Variants in CNTNAP2 observed in about 807,000 individuals in gnomAD.
CNTNAP2 encodes contactin associated protein 2.
In CNTNAP2, 98 loss-of-function variants were observed where a neutral mutation model predicts 155.2. That is an observed-to-expected ratio of 0.63 (90% CI 0.54 to 0.75). The LOEUF (loss-of-function observed/expected upper bound fraction) is 0.75, where lower values mean the gene tolerates loss of function less well. Among genes scored for constraint, CNTNAP2 ranks in the 30% least tolerant of loss-of-function variants. The pLI, the probability that CNTNAP2 is intolerant of heterozygous loss-of-function variation, is 0.00. For missense variants in CNTNAP2, 1,727 were observed against 1,688.1 expected (o/e 1.02, Z -0.40); for synonymous variants, 651 against 631.2 (o/e 1.03, Z -0.47).
intron 3 of CNTNAP2, among the ~76,000 whole-genome samples, chr7:146,881,204 C>A (rs1478379404): frequency 6.6e-6 from 1 of 152,042 alleles, no homozygotes; most frequent in African/African-American, 2.4e-5. Flanking sequence ...GGTATTTTAA[C>A]CTACAGGAAA....
At chr7:147,982,232 C>T (rs1438250773) in intron 15 of CNTNAP2, among the ~76,000 whole-genome samples, 1 of 152,158 alleles carries the variant, frequency 6.6e-6, no homozygotes, top group East Asian at 1.9e-4. Context: ...TAAAACTTTA[C>T]TGTACTCCTC....
intron 1 of CNTNAP2, among the ~76,000 whole-genome samples, chr7:146,232,332 T>A (rs2116915443): frequency 6.6e-6 from 1 of 151,368 alleles, no homozygotes; most frequent in East Asian, 1.9e-4. Context: ...AAATTGCATG[T>A]ATTTATCAGC....
chr7:146,833,723 T>C (rs1348199618), intron 2 of CNTNAP2, among the ~76,000 whole-genome samples: 2 of 152,220 alleles, frequency 1.3e-5, no homozygotes, highest in Non-Finnish European at 2.9e-5. Flanking sequence ...TTTCTGTAGC[T>C]GATACACACA....
intron 5 of CNTNAP2, among the ~76,000 whole-genome samples, chr7:147,109,922 T>C (rs578014571): frequency 6.6e-6 from 1 of 151,160 alleles, no homozygotes; most frequent in East Asian, 1.9e-4. Flanking sequence ...TATTTATTTA[T>C]TTATTTATTT....
chr7:146,397,658 A>C (rs1170773291), intron 1 of CNTNAP2, among the ~76,000 whole-genome samples: 1 of 152,114 alleles, frequency 6.6e-6, no homozygotes, highest in Non-Finnish European at 1.5e-5. Flanking sequence ...TTTGAAATGA[A>C]GTTTTTCATA....
chr7:148,061,942 T>C lies in CNTNAP2; in HGVS notation c.2384-56176T>C, dbSNP rs1462529052. On this transcript the variant is annotated intron_variant, in intron 15 of 23. Coordinates refer to ENST00000361727, the MANE Select transcript of CNTNAP2 (RefSeq NM_014141.6). ...AGATATAGATAGATAGATAGATAGATAGATAAACAGATATAGATAGATAGA... is the reference window on the plus strand; with the variant it reads ...AGATATAGATAGATAGATAGATAGACAGATAAACAGATATAGATAGATAGA... 2.6e-3 allele frequency among the ~76,000 whole-genome samples: 351 copies of C among 133,572 alleles called. 3 individuals are homozygous for C. Among genetic ancestry groups the C allele is most frequent in the South Asian group, 8.2e-3 (33 of 4,006 alleles). The allele number at this position is 133,572 out of a possible 152,430, so 87.6% of individuals were successfully genotyped here.
At chr7:148,277,871 A>G (rs992762645) in intron 21 of CNTNAP2, among the ~76,000 whole-genome samples, 1 of 151,164 alleles carries the variant, frequency 6.6e-6, no homozygotes, top group East Asian at 1.9e-4. Context: ...CCAAAACTCA[A>G]TTGCTTAAAA....
intron 3 of CNTNAP2, among the ~76,000 whole-genome samples, chr7:147,040,753 G>A (rs190997062): frequency 5.9e-5 from 9 of 152,094 alleles, no homozygotes; most frequent in East Asian, 1.9e-4. Flanking sequence ...GAGCCACTGC[G>A]CCTGGGGAAG....
chr7:147,307,585 C>T (rs1438595582), intron 9 of CNTNAP2, among the ~76,000 whole-genome samples: 1 of 136,818 alleles, frequency 7.3e-6, no homozygotes, highest in East Asian at 3.6e-4. Context: ...CTCCATACCC[C>T]ACCTGCCCCC....
chr7:148,158,964 GA>G (rs1258196302), intron 17 of CNTNAP2, among the ~76,000 whole-genome samples: 4 of 152,200 alleles, frequency 2.6e-5, no homozygotes, highest in African/African-American at 9.7e-5. Context: ...AAATATTGAA[GA>G]AGGGATAGAT....
chr7:147,397,967 C>CT (rs139439367), intron 10 of CNTNAP2, among the ~76,000 whole-genome samples: 3,017 of 151,138 alleles, frequency 0.02, 101 homozygotes, highest in African/African-American at 0.069. Flanking sequence ...TTAGCTTACA[C>CT]TTTTTTTTTA....
intron 1 of CNTNAP2, among the ~76,000 whole-genome samples, chr7:146,695,455 C>T (rs929808530): frequency 6.6e-6 from 1 of 152,086 alleles, no homozygotes; most frequent in Non-Finnish European, 1.5e-5. Flanking sequence ...CACTCTGTCA[C>T]CCAGGCTGGA....
chr7:147,017,361 T>C (rs1033394824), intron 3 of CNTNAP2, among the ~76,000 whole-genome samples: 17 of 87,060 alleles, frequency 2.0e-4, no homozygotes, highest in African/African-American at 1.4e-3. Flanking sequence ...CATTTGAAAA[T>C]ACTGCATTTT....
At chr7:146,437,860 C>T (rs1796264964) in intron 1 of CNTNAP2, among the ~76,000 whole-genome samples, 1 of 147,240 alleles carries the variant, frequency 6.8e-6, no homozygotes, top group African/African-American at 2.6e-5. Context: ...CTGGAAAACT[C>T]ATGTGCAATT....
chr7:147,398,593 T>TC (rs1189668886), intron 10 of CNTNAP2, among the ~76,000 whole-genome samples: 1 of 145,632 alleles, frequency 6.9e-6, no homozygotes, highest in Non-Finnish European at 1.5e-5. Context: ...TTTGAACTTT[T>TC]TTTTTTTTTT....
At chr7:147,086,868 A>G (rs1269799122) in intron 4 of CNTNAP2, among the ~76,000 whole-genome samples, 4 of 152,244 alleles carry the variant, frequency 2.6e-5, no homozygotes, top group Non-Finnish European at 5.9e-5. Context: ...AAAGCAAAAC[A>G]AGATGAAACT....
chr7:147,748,135 G>A (rs1334242016), intron 13 of CNTNAP2, among the ~76,000 whole-genome samples: 2 of 152,174 alleles, frequency 1.3e-5, no homozygotes, highest in East Asian at 3.9e-4. Context: ...TGGGAAGGAT[G>A]GAGATATAAA....
intron 5 of CNTNAP2, among the ~76,000 whole-genome samples, chr7:147,119,225 T>C (rs573616475): frequency 3.9e-4 from 60 of 152,292 alleles, no homozygotes; most frequent in South Asian, 1.0e-3. Context: ...AAATGAAACA[T>C]GTAGAGTAAC....
intron 16 of CNTNAP2, among the ~76,000 whole-genome samples, chr7:148,129,413 T>C (rs1804779602): frequency 6.6e-6 from 1 of 152,130 alleles, no homozygotes; most frequent in African/African-American, 2.4e-5. Flanking sequence ...TTCCTGGGGA[T>C]AGCTGATGTC....
Sources: allele counts gnomAD v4.1 joint callset (sites outside exome capture counted in the v4.1 genomes callset), GRCh38; gene constraint gnomAD v4.1.1; transcripts MANE v1.5; gene names NCBI Gene and HGNC (gene_info 2026-07-23, HGNC 2026-07-21).